Variants in PRKN observed in about 807,000 individuals in gnomAD.
PRKN encodes E3 ubiquitin-protein ligase parkin.
PRKN carries 56 observed loss-of-function variants against 59.5 expected under a neutral mutation model. The observed-to-expected ratio is 0.94, with a 90% confidence interval of 0.76 to 1.18. PRKN has a LOEUF of 1.18. PRKN is among the 50% of genes most tolerant of loss of function. The pLI is 0.00. For synonymous variants in PRKN, 250 were observed against 222.1 expected, an observed-to-expected ratio of 1.13 and a Z score of -1.12; for missense variants, 657 against 596.4, an observed-to-expected ratio of 1.10 and a Z score of -1.06.
chr6:162,680,029 T>C (rs1025361505), intron 1 of PRKN, among the ~76,000 whole-genome samples: 8 of 152,280 alleles, frequency 5.3e-5, no homozygotes, highest in African/African-American at 1.9e-4. Context: ...GTTTTTTCTC[T>C]TTTTGTTTCT....
chr6:162,685,602 T>C (rs1779938793), intron 1 of PRKN, among the ~76,000 whole-genome samples: 1 of 151,998 alleles, frequency 6.6e-6, no homozygotes, highest in Admixed American at 6.6e-5. Flanking sequence ...AGGTAACAAA[T>C]GGTAAACAGT....
At chr6:162,175,453 C>A (rs374193270) in intron 4 of PRKN, among the ~76,000 whole-genome samples, 2 of 152,216 alleles carry the variant, frequency 1.3e-5, no homozygotes, top group East Asian at 3.9e-4. Context: ...AGTATGCAAC[C>A]CTTTTGTAAT....
chr6:161,358,788 CTTTTTTTT>C (rs34428983), intron 11 of PRKN, among the ~76,000 whole-genome samples: 3 of 67,820 alleles, frequency 4.4e-5, no homozygotes, highest in South Asian at 7.4e-4. Flanking sequence ...GCCTTCTGCT[CTTTTTTTT>C]TTTTTTTTTT....
chr6:162,264,372 C>G (rs1335024061), intron 2 of PRKN, among the ~76,000 whole-genome samples: 2 of 152,146 alleles, frequency 1.3e-5, no homozygotes, highest in Non-Finnish European at 1.5e-5. Flanking sequence ...CAAGAACACT[C>G]AAGTGAAATG....
intron 5 of PRKN, among the ~76,000 whole-genome samples, chr6:161,986,647 T>G (rs1465767394): frequency 6.6e-6 from 1 of 152,132 alleles, no homozygotes; most frequent in Non-Finnish European, 1.5e-5. Context: ...GGTTCATCAC[T>G]GGTTTCATTG....
chr6:162,067,905 A>G (rs995531175), intron 4 of PRKN, among the ~76,000 whole-genome samples: 9 of 152,238 alleles, frequency 5.9e-5, no homozygotes, highest in Non-Finnish European at 2.9e-5. Context: ...ACACAGTTTT[A>G]AAAAATACAT....
chr6:161,407,840 C>T lies in PRKN; in HGVS notation c.1084-20963G>A, dbSNP rs575694223. Among the ~76,000 whole-genome samples the T allele has an allele frequency of 8.5e-5, 13 of 152,258 alleles. No individual in the cohort carries two copies. The highest frequency in any genetic ancestry group is 2.4e-4 in the African/African-American group (10 of 41,546). On this transcript the variant is annotated intron_variant, in intron 9 of 11. Transcript: ENST00000366898. This position sits in a 1 kb window ranked among gnomAD's most constrained non-coding sequence, Gnocchi z 4.9. Reference sequence around the variant, plus strand: ...AGTTGACCTTGTGACATTCTTCTTTCGGACAATGAGTCTTATGATCTCCCC... The same window carrying T: ...AGTTGACCTTGTGACATTCTTCTTTTGGACAATGAGTCTTATGATCTCCCC...
chr6:161,971,240 A>G (rs901124910), intron 6 of PRKN, among the ~76,000 whole-genome samples: 2 of 152,218 alleles, frequency 1.3e-5, no homozygotes, highest in Non-Finnish European at 2.9e-5. Context: ...AGATGTTGCC[A>G]GTTATTAATA....
chr6:162,114,569 T>G (rs571979588), intron 4 of PRKN, among the ~76,000 whole-genome samples: 1 of 152,210 alleles, frequency 6.6e-6, no homozygotes, highest in African/African-American at 2.4e-5. Context: ...TGATTTTGTA[T>G]CCTGAATATT....
At chr6:161,663,454 G>A (rs1254815336) in intron 7 of PRKN, among the ~76,000 whole-genome samples, 2 of 152,076 alleles carry the variant, frequency 1.3e-5, no homozygotes, top group African/African-American at 4.8e-5. Context: ...CAGAGTACAG[G>A]CCATATTTTA....
intron 7 of PRKN, among the ~76,000 whole-genome samples, chr6:161,713,949 C>T (rs1361551643): frequency 2.0e-5 from 3 of 152,160 alleles, no homozygotes; most frequent in Non-Finnish European, 4.4e-5. Flanking sequence ...TGCCTGTCAC[C>T]ATGAAAGATA....
chr6:162,606,649 T>C (rs966583644), intron 1 of PRKN, among the ~76,000 whole-genome samples: 1 of 152,134 alleles, frequency 6.6e-6, no homozygotes, highest in South Asian at 2.1e-4. Context: ...GACTTGGTGA[T>C]AGATTTGATA....
At chr6:161,944,412 C>T (rs1461013715) in intron 6 of PRKN, among the ~76,000 whole-genome samples, 1 of 152,188 alleles carries the variant, frequency 6.6e-6, no homozygotes, top group Non-Finnish European at 1.5e-5. Flanking sequence ...ATGCTGAATA[C>T]ATAGAAGCTG....
intron 1 of PRKN, among the ~76,000 whole-genome samples, chr6:162,582,709 A>T (rs571357933): frequency 6.6e-6 from 1 of 152,234 alleles, no homozygotes; most frequent in East Asian, 1.9e-4. Flanking sequence ...TGAATCCCGC[A>T]TAAGACCTAC....
At chr6:161,865,622 C>T (rs1035749055) in intron 6 of PRKN, among the ~76,000 whole-genome samples, 2 of 152,222 alleles carry the variant, frequency 1.3e-5, no homozygotes, top group Non-Finnish European at 2.9e-5. Context: ...CCTTAAATCT[C>T]ATGAACCAAC....
At chr6:162,167,769 T>C (rs1783058862) in intron 4 of PRKN, among the ~76,000 whole-genome samples, 1 of 152,066 alleles carries the variant, frequency 6.6e-6, no homozygotes, top group Non-Finnish European at 1.5e-5. Context: ...GGACTAGCAC[T>C]AAAGGAATGA....
At chr6:161,570,146 A>AAAAT (rs869285771) in intron 7 of PRKN, among the ~76,000 whole-genome samples, 13 of 76,586 alleles carry the variant, frequency 1.7e-4, no homozygotes, top group African/African-American at 8.2e-4. Context: ...AAAAAAAAAA[A>AAAAT]ATATATATAT....
intron 7 of PRKN, among the ~76,000 whole-genome samples, chr6:161,746,706 G>GAA (rs1788436029): frequency 6.9e-6 from 1 of 144,256 alleles, no homozygotes; most frequent in South Asian, 2.1e-4. Flanking sequence ...ATGTATATAT[G>GAA]TATATATAGA....
chr6:161,979,197 T>C (rs1330741358), intron 5 of PRKN, among the ~76,000 whole-genome samples: 1 of 152,108 alleles, frequency 6.6e-6, no homozygotes, highest in Non-Finnish European at 1.5e-5. Context: ...AATGATTTTA[T>C]ACTTGAAAAA....
Sources: gnomAD v4.1 joint callset for allele counts (sites outside exome capture counted in the v4.1 genomes callset) on GRCh38, gnomAD v4.1.1 for gene constraint, Gnocchi (gnomAD v3.1) non-coding constraint, MANE v1.5 for transcripts, NCBI Gene and HGNC (gene_info 2026-07-23, HGNC 2026-07-21) for gene names.